The following SYT16 variants were observed in gnomAD, a reference collection of about 807,000 sequenced individuals.
SYT16 encodes synaptotagmin 16.
In SYT16, 42 loss-of-function variants were observed where a neutral mutation model predicts 61.4. The ratio of observed to expected loss-of-function variants is 0.68; its 90% CI spans 0.53 to 0.89. SYT16 has a LOEUF of 0.89. Among genes scored for constraint, SYT16 ranks in the 40% least tolerant of loss-of-function variants. SYT16 has a pLI of 0.00. For missense variants in SYT16, 804 were observed against 807.3 expected (o/e 1.00, Z 0.05); for synonymous variants, 314 against 302.3 (o/e 1.04, Z -0.40).
chr14:62,102,243 A>G lies in SYT16; in HGVS notation c.*1536A>G, dbSNP rs1026881952. The stretch of plus-strand genomic sequence containing the variant: ...GCGTAGGCTGTAACACTTGAAGAAC[A>G]TATTTATTCCTTACAGTGTGTAATG... On this transcript the variant is annotated 3_prime_UTR_variant, in exon 8 of 8. Coordinates refer to ENST00000683842, the MANE Select transcript of SYT16 (RefSeq NM_001367656.1). The G allele has an allele frequency of 2.6e-5, 4 of 152,212 alleles. No homozygotes were observed. Among genetic ancestry groups the G allele is most frequent in the African/African-American group, 9.7e-5 (4 of 41,446 alleles). 9.4% of individuals were successfully genotyped at this position (152,212 alleles called of 1,614,324 possible).
intron 2 of SYT16, among the ~76,000 whole-genome samples, chr14:61,994,556 G>A (rs185174909): frequency 1.7e-3 from 260 of 152,274 alleles, no homozygotes; most frequent in African/African-American, 6.0e-3. Context: ...GAAATGTAGG[G>A]ATGGGCCTAC....
At chr14:61,903,873 G>T (rs1469712237) in intron 1 of SYT16, among the ~76,000 whole-genome samples, 1 of 152,242 alleles carries the variant, frequency 6.6e-6, no homozygotes, top group African/African-American at 2.4e-5. Flanking sequence ...CCACTGCTGG[G>T]ATGCTGAAGG....
chr14:62,052,019 T>G (rs1425346693), intron 3 of SYT16, among the ~76,000 whole-genome samples: 1 of 152,156 alleles, frequency 6.6e-6, no homozygotes, highest in Non-Finnish European at 1.5e-5. Context: ...AAAAATGCAG[T>G]CTTTATCGTC....
chr14:61,812,990 G>A (rs2045315578), intron 1 of SYT16, among the ~76,000 whole-genome samples, 180 bp downstream of exon 1: 1 of 152,204 alleles, frequency 6.6e-6, no homozygotes, highest in Non-Finnish European at 1.5e-5. Context: ...CTGGCGGCGC[G>A]CCCCGCGAGG....
At chr14:62,003,622 A>G (rs113988416) in intron 3 of SYT16, among the ~76,000 whole-genome samples, 2 of 152,088 alleles carry the variant, frequency 1.3e-5, no homozygotes, top group African/African-American at 4.8e-5. Context: ...CCAACTGTCT[A>G]CATCTTAAGT....
Position 61,971,184 on chromosome 14 carries a change from G to A in SYT16, c.-145+873G>A, listed in dbSNP as rs541387807. ...TAGTTCAGCTTTTTTGCCTTGTTAC[G>A]AGAAAGGCATAATGTAGGAATAAAG... is the stretch of plus-strand genomic sequence containing the variant. On this transcript the variant is annotated intron_variant, in intron 2 of 7. Coordinates refer to ENST00000683842, the MANE Select transcript of SYT16 (RefSeq NM_001367656.1). 1.1e-4 allele frequency among the ~76,000 whole-genome samples: 17 copies of A among 152,184 alleles called. No homozygotes were observed. In the South Asian group the frequency reaches 1.4e-3, roughly 13 times the overall value.
intron 1 of SYT16, among the ~76,000 whole-genome samples, chr14:61,924,667 G>A (rs567536756): frequency 3.3e-5 from 5 of 152,028 alleles, no homozygotes; most frequent in Middle Eastern, 6.8e-3. Flanking sequence ...TTCTTTCCCT[G>A]TATGAAACCC....
At chr14:61,933,976 T>A (rs1039686329) in intron 1 of SYT16, among the ~76,000 whole-genome samples, 4 of 152,132 alleles carry the variant, frequency 2.6e-5, no homozygotes, top group African/African-American at 9.7e-5. Context: ...TATATGAGAG[T>A]GTGTGTATAT....
At chr14:61,992,194 G>C (rs1210939017) in intron 2 of SYT16, among the ~76,000 whole-genome samples, 1 of 152,132 alleles carries the variant, frequency 6.6e-6, no homozygotes, top group African/African-American at 2.4e-5. Flanking sequence ...GACAGAGGAA[G>C]CAATAAACAT....
intron 1 of SYT16, among the ~76,000 whole-genome samples, chr14:61,923,048 CAAAAAA>C (rs140168317): frequency 4.7e-4 from 45 of 95,494 alleles, no homozygotes; most frequent in African/African-American, 1.8e-3. Flanking sequence ...GACTCTGTCT[CAAAAAA>C]AAAAAAAAAA....
chr14:62,091,884 C>T (rs752380411), intron 7 of SYT16, among the ~76,000 whole-genome samples: 7 of 151,918 alleles, frequency 4.6e-5, no homozygotes, highest in Non-Finnish European at 1.0e-4. Context: ...AAATTTTGTG[C>T]ATCAAAAGAT....
chr14:62,036,520 C>T (rs1244390018), intron 3 of SYT16, among the ~76,000 whole-genome samples: 2 of 152,044 alleles, frequency 1.3e-5, no homozygotes, highest in African/African-American at 4.8e-5. Flanking sequence ...AGTCCATTCT[C>T]GTGCGGCTAA....
In SYT16 at chr14:62,001,902, C is replaced by T. The variant is rs573233004; in HGVS notation, c.523+5360C>T. On this transcript the variant is annotated intron_variant, in intron 3 of 7. Transcript: ENST00000683842. Reference sequence around the variant, plus strand: ...TTTTTATTTTTGTTACCGTGTTTTTCGTGTCTAGCATTTTGATTTGATTGC... The same window carrying T: ...TTTTTATTTTTGTTACCGTGTTTTTTGTGTCTAGCATTTTGATTTGATTGC... Among the ~76,000 whole-genome samples the T allele has an allele frequency of 9.9e-5, 15 of 152,090 alleles. No homozygotes were observed. In the South Asian group the frequency reaches 2.7e-3, roughly 27 times the overall value.
intron 1 of SYT16, among the ~76,000 whole-genome samples, chr14:61,821,935 C>A (rs1256174560): frequency 1.3e-5 from 2 of 152,160 alleles, no homozygotes. Flanking sequence ...GTGTACTAGT[C>A]AGGGTTCTCC....
intron 3 of SYT16, among the ~76,000 whole-genome samples, chr14:62,010,061 C>T (rs1477179005): frequency 6.6e-6 from 1 of 152,170 alleles, no homozygotes; most frequent in Non-Finnish European, 1.5e-5. Flanking sequence ...GAAATAATTT[C>T]TGCTTCCCTG....
intron 1 of SYT16, among the ~76,000 whole-genome samples, chr14:61,968,104 T>A (rs1044074185): frequency 2.6e-5 from 4 of 151,992 alleles, no homozygotes; most frequent in Admixed American, 6.6e-5. Flanking sequence ...CTACTAAAAA[T>A]ACCAAAATTA....
At chr14:61,856,919 C>T (rs1049480058) in intron 1 of SYT16, among the ~76,000 whole-genome samples, 14 of 152,188 alleles carry the variant, frequency 9.2e-5, no homozygotes, top group Admixed American at 3.3e-4. Context: ...TATTTAATAT[C>T]CTAGAAGCCA....
chr14:62,051,251 G>A (rs530197674), intron 3 of SYT16, among the ~76,000 whole-genome samples: 7 of 152,342 alleles, frequency 4.6e-5, no homozygotes, highest in South Asian at 2.1e-4. Flanking sequence ...AGGCTGTGTC[G>A]GCTTAGGACC....
chr14:61,875,221 T>A (rs778561211), intron 1 of SYT16, among the ~76,000 whole-genome samples: 3 of 152,212 alleles, frequency 2.0e-5, no homozygotes, highest in Non-Finnish European at 4.4e-5. Context: ...AGAGTATAGA[T>A]GTAATGCTTC....
Sources: allele counts gnomAD v4.1 joint callset (sites outside exome capture counted in the v4.1 genomes callset), GRCh38; gene constraint gnomAD v4.1.1; transcripts MANE v1.5; gene names NCBI Gene and HGNC (gene_info 2026-07-23, HGNC 2026-07-21).